Variants in CNBD1 observed in about 807,000 individuals in gnomAD.
CNBD1 encodes the protein cyclic nucleotide binding domain containing 1, also known as cyclic nucleotide-binding domain-containing protein 1.
CNBD1 carries 71 observed loss-of-function variants against 54.4 expected under a neutral mutation model. That is an observed-to-expected ratio of 1.30 (90% CI 1.08 to 1.59). CNBD1 has a LOEUF of 1.59. Ranked by LOEUF, CNBD1 falls within the 40% of genes most tolerant of loss-of-function variation. The pLI, the probability that CNBD1 is intolerant of heterozygous loss-of-function variation, is 0.00. For synonymous variants in CNBD1, 182 were observed against 170.7 expected (o/e 1.07, Z -0.51); for missense variants, 659 against 518.0 (o/e 1.27, Z -2.64).
intron 5 of CNBD1, among the ~76,000 whole-genome samples, chr8:87,221,599 T>A (rs1197679279): frequency 6.6e-6 from 1 of 152,158 alleles, no homozygotes; most frequent in Non-Finnish European, 1.5e-5. Flanking sequence ...TTATTTCTTC[T>A]CCAGACCTTC....
rs1226733298 is a variant in CNBD1, at chr8:87,166,669, G to A, written c.432-39324G>A. ...CTTGTCAGTTCCTCTTTGTTCCTCA[G>A]GTTTTCTGATATTTGCACATGTTTG... On this transcript the variant is annotated intron_variant, in intron 4 of 10. Transcript: ENST00000518476. The surrounding 1 kb of genome is among the most constrained non-coding windows in gnomAD (Gnocchi z 4.3). Among the ~76,000 whole-genome samples, 1 of 151,668 alleles carries A rather than the reference G, an allele frequency of 6.6e-6. No homozygotes were observed. Among genetic ancestry groups the A allele is most frequent in the Non-Finnish European group, 1.5e-5 (1 of 67,854 alleles).
At chr8:87,171,364 T>C (rs1454454510) in intron 4 of CNBD1, among the ~76,000 whole-genome samples, 2 of 152,110 alleles carry the variant, frequency 1.3e-5, no homozygotes, top group African/African-American at 2.4e-5. Flanking sequence ...GTATTGGTTG[T>C]AATATCTCCT....
chr8:86,923,619 G>A (rs1809311793), intron 3 of CNBD1, among the ~76,000 whole-genome samples: 1 of 152,054 alleles, frequency 6.6e-6, no homozygotes, highest in Non-Finnish European at 1.5e-5. Context: ...GCACAAATTG[G>A]CCTTAGATTC....
intron 4 of CNBD1, among the ~76,000 whole-genome samples, chr8:87,116,754 A>C (rs755726107): frequency 1.8e-4 from 27 of 152,098 alleles, no homozygotes; most frequent in Non-Finnish European, 3.2e-4. Flanking sequence ...ACTTTTCTTC[A>C]TGTCTAAGCT....
chr8:87,092,855 C>A (rs1296226298), intron 4 of CNBD1, among the ~76,000 whole-genome samples: 1 of 152,060 alleles, frequency 6.6e-6, no homozygotes, highest in Admixed American at 6.6e-5. Context: ...CACAACCTCC[C>A]ACATTCAAAA....
chr8:87,416,769 G>A (rs1342892921), intron 2 of CNBD1, among the ~76,000 whole-genome samples: 1 of 151,068 alleles, frequency 6.6e-6, no homozygotes, highest in Non-Finnish European at 1.5e-5. Context: ...GCAGATAATA[G>A]GGAACATTTT....
intron 3 of CNBD1, among the ~76,000 whole-genome samples, chr8:86,907,571 G>C (rs1052326211): frequency 6.6e-6 from 1 of 152,046 alleles, no homozygotes; most frequent in Non-Finnish European, 1.5e-5. Context: ...GGGAGGCTGA[G>C]GCAGGGGAAT....
chr8:86,866,542 C>T lies in CNBD1; in HGVS notation c.47C>T (p.Ala16Val). Residue 16 changes from alanine to valine, a missense_variant, in exon 1 of 11, where the codon GCT becomes GTT. Physicochemically the swap from Ala to Val is moderately conservative, Grantham distance 64. Transcript: ENST00000518476. ...LPAAILSHMT[A>V]INNVPPPPLH... ...GCAGCTATTTTGTCTCACATGACAG[C>T]TATTAACAATGTGCCTCCTCCTCCA... The T allele has an allele frequency of 6.2e-7, 1 of 1,612,180 alleles. No homozygotes were observed.
At chr8:87,244,328 T>C (rs1186159493) in intron 6 of CNBD1, among the ~76,000 whole-genome samples, 5 of 152,298 alleles carry the variant, frequency 3.3e-5, no homozygotes, top group Middle Eastern at 3.4e-3. Flanking sequence ...TAACTTTGAA[T>C]AGAATAGGAG....
At position 87,284,822 on chromosome 8, in the gene CNBD1, T is replaced by G; in HGVS notation, c.909+7T>G. ...ATATGCAAAGATAAAGGAGGTAAGA[T>G]GATATCTAATATTTTATATAAACAA... On this transcript the variant is annotated splice_region_variant and intron_variant, in intron 7 of 10. Coordinates refer to ENST00000518476, the MANE Select transcript of CNBD1 (RefSeq NM_173538.3). 1 of 1,553,982 alleles carries G rather than the reference T, an allele frequency of 6.4e-7. No homozygotes were observed. Among genetic ancestry groups the G allele is most frequent in the Non-Finnish European group, 8.7e-7 (1 of 1,149,436 alleles).
In CNBD1 at chr8:87,328,556, C is replaced by A. The variant is rs1220367593; in HGVS notation, c.1043-23129C>A. ...GAATCAGAAACTATGAGGACTTCTT[C>A]TTTTTTATCAAGATTGTTTTGACTG... On this transcript the variant is annotated intron_variant, in intron 8 of 10. Coordinates refer to ENST00000518476, the MANE Select transcript of CNBD1 (RefSeq NM_173538.3). Among the ~76,000 whole-genome samples the A allele has an allele frequency of 2.0e-5, 3 of 151,768 alleles. No individual in the cohort carries two copies. In the East Asian group the frequency reaches 5.8e-4, roughly 29 times the overall value.
intron 2 of CNBD1, among the ~76,000 whole-genome samples, chr8:86,895,791 T>G (rs2131798474): frequency 6.6e-6 from 1 of 152,294 alleles, no homozygotes; most frequent in Non-Finnish European, 1.5e-5. Context: ...AATTGGTTTC[T>G]TTGTTTTCTT....
intron 4 of CNBD1, among the ~76,000 whole-genome samples, chr8:87,116,956 T>A (rs1436077565): frequency 6.6e-6 from 1 of 152,220 alleles, no homozygotes; most frequent in Non-Finnish European, 1.5e-5. Flanking sequence ...CTCTTTCTGT[T>A]TTTCTTACCA....
intron 3 of CNBD1, among the ~76,000 whole-genome samples, chr8:86,911,976 A>G (rs1410886048): frequency 4.6e-5 from 7 of 152,152 alleles, no homozygotes; most frequent in African/African-American, 1.7e-4. Context: ...AGAGGACACA[A>G]AAAAGTAAGA....
intron 4 of CNBD1, among the ~76,000 whole-genome samples, chr8:87,138,621 C>G (rs1009753238): frequency 2.0e-5 from 3 of 152,174 alleles, no homozygotes; most frequent in African/African-American, 2.4e-5. Flanking sequence ...TTTAGTGAGA[C>G]AAGGTGGCAC....
intron 6 of CNBD1, among the ~76,000 whole-genome samples, chr8:87,253,220 C>G (rs1156682203): frequency 6.6e-6 from 1 of 152,140 alleles, no homozygotes; most frequent in Non-Finnish European, 1.5e-5. Flanking sequence ...TTGCCCTTTA[C>G]CCCAAGACTG....
chr8:87,325,870 C>T (rs1226758126), intron 8 of CNBD1, among the ~76,000 whole-genome samples: 2 of 142,570 alleles, frequency 1.4e-5, no homozygotes, highest in Admixed American at 7.1e-5. Context: ...TGATTTTGCT[C>T]GTTAGTTGAT....
intron 4 of CNBD1, among the ~76,000 whole-genome samples, chr8:87,099,508 G>A (rs1033833159): frequency 6.6e-6 from 1 of 152,174 alleles, no homozygotes; most frequent in Non-Finnish European, 1.5e-5. Context: ...TAAGATGAGT[G>A]ATGATGACCA....
chr8:87,196,124 T>A (rs1392722698), intron 4 of CNBD1, among the ~76,000 whole-genome samples: 5 of 152,012 alleles, frequency 3.3e-5, no homozygotes, highest in African/African-American at 1.2e-4. Flanking sequence ...GGTAGAAAAA[T>A]TTGGGGTGGA....
Sources: allele counts gnomAD v4.1 joint callset (sites outside exome capture counted in the v4.1 genomes callset), GRCh38; gene constraint gnomAD v4.1.1; non-coding constraint Gnocchi (gnomAD v3.1); transcripts MANE v1.5; gene names NCBI Gene and HGNC (gene_info 2026-07-23, HGNC 2026-07-21).